SLC71A1: variants seen among roughly 807,000 people sequenced by gnomAD.
SLC71A1 encodes the protein hippocampus abundant gene transcript 1.
At chr1:100,080,280 G>A in the SLC71A1 span, 1 of 440,968 alleles carries the variant, frequency 2.3e-6, no homozygotes, top group East Asian at 3.4e-5. Flanking sequence ...CTATATATGG[G>A]TACATCAGAG....
At chr1:100,073,232 A>G in the SLC71A1 span, among the ~76,000 whole-genome samples, 1 of 152,224 alleles carries the variant, frequency 6.6e-6, no homozygotes, top group Non-Finnish European at 1.5e-5. Context: ...AGCCGTGGCC[A>G]TATCTTCCAT....
chr1:100,043,362 A>G, the SLC71A1 span: 2,457 of 189,722 alleles, frequency 0.013, 17 homozygotes, highest in Middle Eastern at 0.047. Context: ...TCAAGAAGAG[A>G]TGAATATGGG....
At chr1:100,053,740 G>C in the SLC71A1 span, among the ~76,000 whole-genome samples, 1 of 152,066 alleles carries the variant, frequency 6.6e-6, no homozygotes, top group Non-Finnish European at 1.5e-5. Context: ...AGCCCTCATA[G>C]AACAGTCAAA....
At chr1:100,046,195 T>TGATTCCTCCAAG in the SLC71A1 span, among the ~76,000 whole-genome samples, 1 of 149,332 alleles carries the variant, frequency 6.7e-6, no homozygotes, top group Non-Finnish European at 1.5e-5. Flanking sequence ...TGAAGTAATG[T>TGATTCCTCCAAG]GATTCCTCCA....
the SLC71A1 span, among the ~76,000 whole-genome samples, chr1:100,063,798 A>T: frequency 1.3e-5 from 2 of 152,196 alleles, no homozygotes; most frequent in South Asian, 2.1e-4. Context: ...CTGTCTCCAA[A>T]AAAGGGGGTT....
the SLC71A1 span, among the ~76,000 whole-genome samples, chr1:100,075,806 G>A: frequency 3.3e-5 from 5 of 152,256 alleles, no homozygotes; most frequent in Admixed American, 3.3e-4. Context: ...AGCCTCCTGA[G>A]TAGCTGGGAC....
chr1:100,065,194 G>C, the SLC71A1 span, among the ~76,000 whole-genome samples: 1 of 152,076 alleles, frequency 6.6e-6, no homozygotes, highest in African/African-American at 2.4e-5. Flanking sequence ...TTTGATTGCT[G>C]TGTAGTGTAT....
At chr1:100,069,767 T>C in the SLC71A1 span, 2 of 842,520 alleles carry the variant, frequency 2.4e-6, no homozygotes, top group Non-Finnish European at 4.1e-6. Flanking sequence ...TGATGGTATC[T>C]TGGTGGAATC....
chr1:100,078,845 A>G, the SLC71A1 span: 1 of 211,672 alleles, frequency 4.7e-6, no homozygotes. Context: ...CGAGGCAGGC[A>G]GATTGCTTGA....
the SLC71A1 span, chr1:100,058,847 ATAACT>A: frequency 3.4e-5 from 18 of 526,978 alleles, no homozygotes; most frequent in South Asian, 1.6e-4. Flanking sequence ...TTACTGATTA[ATAACT>A]TAATTTTTAT....
chr1:100,073,918 T>C, the SLC71A1 span, among the ~76,000 whole-genome samples: 4 of 152,368 alleles, frequency 2.6e-5, no homozygotes, highest in East Asian at 5.8e-4. Flanking sequence ...AGAACACTTA[T>C]ATATTAAGTA....
the SLC71A1 span, among the ~76,000 whole-genome samples, chr1:100,053,276 T>C: frequency 0.065 from 9,818 of 152,194 alleles, 338 homozygotes; most frequent in African/African-American, 0.081. Flanking sequence ...CTCCTCCCAC[T>C]CCTCCCCAGC....
the SLC71A1 span, among the ~76,000 whole-genome samples, chr1:100,063,141 T>C: frequency 6.6e-6 from 1 of 152,068 alleles, no homozygotes; most frequent in Non-Finnish European, 1.5e-5. Flanking sequence ...AATTTGGGGT[T>C]GGTCGGTTGG....
At chr1:100,044,848 G>A in the SLC71A1 span, among the ~76,000 whole-genome samples, 1 of 152,170 alleles carries the variant, frequency 6.6e-6, no homozygotes, top group South Asian at 2.1e-4. Flanking sequence ...TATCTGTTGT[G>A]TTCCATTGGT....
the SLC71A1 span, among the ~76,000 whole-genome samples, chr1:100,052,080 T>C: frequency 6.6e-6 from 1 of 152,186 alleles, no homozygotes; most frequent in African/African-American, 2.4e-5. Flanking sequence ...ATGCAGGTAG[T>C]AACTTGTTTG....
At chr1:100,051,722 AC>A in the SLC71A1 span, among the ~76,000 whole-genome samples, 2 of 152,186 alleles carry the variant, frequency 1.3e-5, no homozygotes, top group Non-Finnish European at 2.9e-5. Flanking sequence ...TGTCAGTTTA[AC>A]ATACAAATCT....
chr1:100,049,548 C>T, the SLC71A1 span, among the ~76,000 whole-genome samples: 1 of 152,160 alleles, frequency 6.6e-6, no homozygotes, highest in African/African-American at 2.4e-5. Flanking sequence ...ACCCATAATG[C>T]CGCAAGCCTT....
At chr1:100,039,076 C>T in the SLC71A1 span, among the ~76,000 whole-genome samples, 2 of 152,222 alleles carry the variant, frequency 1.3e-5, no homozygotes, top group Non-Finnish European at 2.9e-5. Context: ...AAACAGTTGT[C>T]ATCACAGTAA....
At chr1:100,062,998 G>A in the SLC71A1 span, among the ~76,000 whole-genome samples, 1 of 151,062 alleles carries the variant, frequency 6.6e-6, no homozygotes, top group Non-Finnish European at 1.5e-5. Flanking sequence ...ATACAAGGCT[G>A]ATGATAGCCA....
Sources: allele counts gnomAD v4.1 joint callset (sites outside exome capture counted in the v4.1 genomes callset), GRCh38; gene constraint gnomAD v4.1.1; transcripts MANE v1.5; gene names NCBI Gene and HGNC (gene_info 2026-07-23, HGNC 2026-07-21).